PALLD: variants seen among roughly 807,000 people sequenced by gnomAD.
PALLD encodes the protein palladin.
Under a neutral mutation model 123.5 loss-of-function variants are expected in PALLD, and 61 were observed. That is an observed-to-expected ratio of 0.49 (90% CI 0.40 to 0.61). The LOEUF is 0.61. PALLD is among the 20% of genes least tolerant of loss of function. The probability of loss-of-function intolerance (pLI) is 0.00; values close to 1 mark genes in which losing one functional copy is unlikely to be tolerated. For missense variants in PALLD, 1,273 were observed against 1,377.0 expected, an observed-to-expected ratio of 0.92 and a Z score of 1.20; for synonymous variants, 465 against 496.4, an observed-to-expected ratio of 0.94 and a Z score of 0.84.
At position 168,784,140 on chromosome 4, in the gene PALLD, G is replaced by A. The variant is rs568586074; in HGVS notation, c.1964+72217G>A. On this transcript the variant is annotated intron_variant, in intron 10 of 21. Transcript: ENST00000505667. ...AGGAGCAAGAGCTTAGGGAAAGGAG[G>A]AATAAGAGGAGGTAGTTGGCTACCA... is the stretch of plus-strand genomic sequence containing the variant. Among the ~76,000 whole-genome samples the A allele has an allele frequency of 3.3e-5, 5 of 152,248 alleles. No individual in the cohort carries two copies. The South Asian group carries it at 1.0e-3, about 32-fold the overall frequency.
chr4:168,882,887 C>T (rs1294219121), intron 10 of PALLD, among the ~76,000 whole-genome samples: 8 of 152,018 alleles, frequency 5.3e-5, no homozygotes, highest in African/African-American at 1.4e-4. Flanking sequence ...GTCAGGAGAT[C>T]GAGATCATCC....
chr4:168,601,831 G>A (rs1193274230), intron 2 of PALLD, among the ~76,000 whole-genome samples: 1 of 152,140 alleles, frequency 6.6e-6, no homozygotes, highest in African/African-American at 2.4e-5. Context: ...CCAAAAGCAC[G>A]AGTTTATTAA....
At chr4:168,505,859 T>C (rs540770601) in intron 1 of PALLD, among the ~76,000 whole-genome samples, 2 of 152,328 alleles carry the variant, frequency 1.3e-5, no homozygotes, top group South Asian at 4.1e-4. Context: ...ATAGAAGGGG[T>C]TGGCAATTTT....
intron 15 of PALLD, among the ~76,000 whole-genome samples, chr4:168,912,795 G>A (rs1759256583): frequency 6.6e-6 from 1 of 152,150 alleles, no homozygotes; most frequent in Admixed American, 6.5e-5. Context: ...CTACAGTGCT[G>A]TGAAACACTA....
chr4:168,631,868 G>C (rs781288517), intron 2 of PALLD: 44 of 985,414 alleles, frequency 4.5e-5, no homozygotes, highest in Non-Finnish European at 4.8e-5. Flanking sequence ...GCTTGTTTGG[G>C]AGTGGGGGCA....
At chr4:168,698,710 C>G (rs1783396180) in intron 8 of PALLD, among the ~76,000 whole-genome samples, 1 of 152,054 alleles carries the variant, frequency 6.6e-6, no homozygotes, top group African/African-American at 2.4e-5. Context: ...GACGTTGAAT[C>G]TAGTTGATGG....
chr4:168,855,705 A>G (rs558993971), intron 10 of PALLD, among the ~76,000 whole-genome samples: 328 of 152,336 alleles, frequency 2.2e-3, no homozygotes, highest in Non-Finnish European at 3.9e-3. Flanking sequence ...TAAAGGGCCC[A>G]CATTTGGACA....
intron 3 of PALLD, among the ~76,000 whole-genome samples, chr4:168,673,230 CAT>C (rs1204336218): frequency 1.3e-5 from 2 of 152,154 alleles, no homozygotes; most frequent in African/African-American, 4.8e-5. Flanking sequence ...CCAGTAAACT[CAT>C]AAGGCATTCC....
intron 10 of PALLD, among the ~76,000 whole-genome samples, chr4:168,789,609 G>A (rs1205570465): frequency 3.3e-5 from 5 of 151,670 alleles, no homozygotes; most frequent in Admixed American, 2.0e-4. Flanking sequence ...GGAGGCTGAG[G>A]CAGGAGAATC....
chr4:168,815,789 C>T (rs1466351396), intron 10 of PALLD, among the ~76,000 whole-genome samples: 1 of 152,134 alleles, frequency 6.6e-6, no homozygotes, highest in Admixed American at 6.5e-5. Flanking sequence ...TAATACTAAG[C>T]GATAGGATAT....
chr4:168,587,083 C>T (rs371466457), intron 2 of PALLD, among the ~76,000 whole-genome samples: 1 of 152,200 alleles, frequency 6.6e-6, no homozygotes, highest in South Asian at 2.1e-4. Context: ...AGCTGCTAAA[C>T]ATCCCACAGT....
At chr4:168,577,333 T>G (rs1379291024) in intron 2 of PALLD, among the ~76,000 whole-genome samples, 1 of 152,092 alleles carries the variant, frequency 6.6e-6, no homozygotes, top group Non-Finnish European at 1.5e-5. Flanking sequence ...ACCGACTAAG[T>G]TAGGTTATGG....
rs546579908 is a variant in PALLD at position 168,611,928 on chromosome 4, G to A, written c.909-56262G>A. The stretch of plus-strand genomic sequence containing the variant: ...TAATCCCAACATTTTGGGAGGCTGA[G>A]GTGGGTGGATTGCTTGAGCTCAGGA... On this transcript the variant is annotated intron_variant, in intron 2 of 21. Coordinates refer to ENST00000505667, the MANE Select transcript of PALLD (RefSeq NM_001166108.2). Among the ~76,000 whole-genome samples, 7 of 152,274 alleles carry A rather than the reference G, an allele frequency of 4.6e-5. No individual in the cohort carries two copies. The East Asian group carries it at 1.4e-3, about 29-fold the overall frequency.
chr4:168,648,536 C>T (rs942237550), intron 2 of PALLD: 9 of 152,202 alleles, frequency 5.9e-5, no homozygotes, highest in South Asian at 2.1e-4. Context: ...CTAATAAATC[C>T]GAGGGTTTGG....
At chr4:168,532,472 G>T (rs2149485032) in intron 2 of PALLD, among the ~76,000 whole-genome samples, 1 of 152,224 alleles carries the variant, frequency 6.6e-6, no homozygotes, top group South Asian at 2.1e-4. Context: ...CCAAGAAGAA[G>T]CTGAGTTATC....
chr4:168,696,804 T>C (rs919328898), intron 8 of PALLD, among the ~76,000 whole-genome samples: 38 of 151,820 alleles, frequency 2.5e-4, no homozygotes, highest in African/African-American at 8.5e-4. Flanking sequence ...GAAGAAGGGA[T>C]GTAAGAGAGA....
At chr4:168,775,627 T>C (rs190264658) in intron 10 of PALLD, among the ~76,000 whole-genome samples, 1 of 152,364 alleles carries the variant, frequency 6.6e-6, no homozygotes, top group Admixed American at 6.5e-5. Context: ...ACAAAGATTT[T>C]CTGCTATGTT....
At chr4:168,829,919 T>C (rs1263545008) in intron 10 of PALLD, among the ~76,000 whole-genome samples, 1 of 152,188 alleles carries the variant, frequency 6.6e-6, no homozygotes, top group African/African-American at 2.4e-5. Flanking sequence ...CTATGGTCAG[T>C]ATATTATTAG....
rs1316398754 is a variant in PALLD, at chr4:168,511,648, A to G, written c.144A>G (p.Arg48=). Residue 48 remains arginine (R), a synonymous_variant, in exon 2 of 22, where the codon AGA becomes AGG. Transcript: ENST00000505667. Reference sequence around the variant, plus strand: ...ACAAGAGTCTTGACCTGGCCCGGAGAGCCATAGCCGACTCCGAAACAGAAG... The same window carrying G: ...ACAAGAGTCTTGACCTGGCCCGGAGGGCCATAGCCGACTCCGAAACAGAAG... ...EINKSLDLAR[R]AIADSETEDF... 6.2e-7 allele frequency: 1 copy of G among 1,614,042 alleles called. No homozygotes were observed. Among genetic ancestry groups the G allele is most frequent in the Non-Finnish European group, 8.5e-7 (1 of 1,180,012 alleles).
Sources: gnomAD v4.1 joint callset for allele counts (sites outside exome capture counted in the v4.1 genomes callset) on GRCh38, gnomAD v4.1.1 for gene constraint, MANE v1.5 for transcripts, NCBI Gene and HGNC (gene_info 2026-07-23, HGNC 2026-07-21) for gene names.